RNF212B: variants seen among roughly 807,000 people sequenced by gnomAD.
The protein encoded by RNF212B is E3 ubiquitin-protein ligase RNF212B.
Under a neutral mutation model 55.5 loss-of-function variants are expected in RNF212B, and 52 were observed. The ratio of observed to expected loss-of-function variants is 0.94; its 90% CI spans 0.75 to 1.18. RNF212B has a LOEUF of 1.18. Among genes scored for constraint, RNF212B ranks in the 50% most tolerant of loss-of-function variants. RNF212B has a pLI of 0.00. For missense variants in RNF212B, 289 were observed against 350.4 expected (o/e 0.82, Z 1.40); for synonymous variants, 99 against 121.4 (o/e 0.82, Z 1.21).
intron 2 of RNF212B, among the ~76,000 whole-genome samples, chr14:23,232,784 T>TGG (rs575105903): frequency 0.13 from 12,457 of 94,632 alleles, 886 homozygotes; most frequent in South Asian, 0.21. Flanking sequence ...GGGAGGGAGG[T>TGG]GGGGGGGGGG....
chr14:23,196,498 G>A (rs1485654657), intron 2 of RNF212B, among the ~76,000 whole-genome samples: 2 of 152,138 alleles, frequency 1.3e-5, no homozygotes, highest in African/African-American at 2.4e-5. Context: ...GGAGGGCAGT[G>A]GAGTGATCAT....
chr14:23,243,119 A>G (rs1365130374), intron 2 of RNF212B, 137 bp from the exon 3 acceptor site: 33 of 611,306 alleles, frequency 5.4e-5, no homozygotes, highest in Admixed American at 1.1e-4. Flanking sequence ...TTTATAACAC[A>G]ATGATATTCT....
chr14:23,267,397 C>A (rs527371353), intron 11 of RNF212B, among the ~76,000 whole-genome samples: 1 of 151,958 alleles, frequency 6.6e-6, no homozygotes, highest in African/African-American at 2.4e-5. Context: ...ATAAATGGAC[C>A]CCTTTATCAT....
chr14:23,269,412 A>C lies in RNF212B; in HGVS notation c.674+449A>C, dbSNP rs543547106. ...CCTTATAAGCAAAAAAGAAAGCTGG[A>C]TAGCACTGTGTTTAATATACATCCA... On this transcript the variant is annotated intron_variant, in intron 12 of 14. Coordinates refer to ENST00000430154, the MANE Select transcript of RNF212B (RefSeq NM_001282322.3). 3.9e-5 allele frequency among the ~76,000 whole-genome samples: 6 copies of C among 152,310 alleles called. No homozygotes were observed. The East Asian group carries it at 1.2e-3, about 29-fold the overall frequency.
intron 1 of RNF212B, among the ~76,000 whole-genome samples, chr14:23,191,938 T>C (rs1282719510): frequency 1.3e-5 from 2 of 152,246 alleles, no homozygotes; most frequent in Admixed American, 6.5e-5. Context: ...CTGTAAATTA[T>C]TGGAAATCTA....
At chr14:23,249,377 C>T (rs1253978364) in intron 4 of RNF212B, among the ~76,000 whole-genome samples, 3 of 152,076 alleles carry the variant, frequency 2.0e-5, no homozygotes, top group African/African-American at 7.2e-5. Flanking sequence ...GAAACCCCTT[C>T]ACTACAAAAA....
At chr14:23,252,910 C>T (rs1351968327) in intron 4 of RNF212B, among the ~76,000 whole-genome samples, 1 of 151,966 alleles carries the variant, frequency 6.6e-6, no homozygotes, top group Non-Finnish European at 1.5e-5. Flanking sequence ...AGGAAGTGGG[C>T]CAAGTGCAGC....
intron 7 of RNF212B, 101 bp downstream of exon 7, chr14:23,260,788 G>T: frequency 9.1e-7 from 1 of 1,096,808 alleles, no homozygotes; most frequent in Non-Finnish European, 1.3e-6. Flanking sequence ...AATGGTTAAT[G>T]AATTTAGCTT....
intron 1 of RNF212B, among the ~76,000 whole-genome samples, chr14:23,187,111 A>G (rs1425756967): frequency 2.6e-5 from 4 of 152,134 alleles, no homozygotes; most frequent in Admixed American, 6.5e-5. Context: ...TCTGTTTCCA[A>G]TATCGGAGCC....
At chr14:23,253,840 T>C (rs1471523904) in intron 4 of RNF212B, among the ~76,000 whole-genome samples, 2 of 152,230 alleles carry the variant, frequency 1.3e-5, no homozygotes, top group Admixed American at 6.5e-5. Context: ...GGCAAACTAA[T>C]AGGTTTTGAA....
chr14:23,193,091 TAAAAAAA>T (rs3045528), intron 1 of RNF212B, among the ~76,000 whole-genome samples: 5 of 113,110 alleles, frequency 4.4e-5, no homozygotes, highest in East Asian at 2.8e-4. Flanking sequence ...AAACTCTGTC[TAAAAAAA>T]AAAAAAAAAA....
At chr14:23,208,757 GTTTTTTTT>G in intron 2 of RNF212B, among the ~76,000 whole-genome samples, 1 of 98,116 alleles carries the variant, frequency 1.0e-5, no homozygotes, top group East Asian at 3.2e-4. Flanking sequence ...GCTGGTTGCC[GTTTTTTTT>G]TTTTTTTTTT....
At chr14:23,245,895 A>G (rs1051337160) in intron 4 of RNF212B, among the ~76,000 whole-genome samples, 39 of 152,320 alleles carry the variant, frequency 2.6e-4, no homozygotes, top group African/African-American at 9.1e-4. Flanking sequence ...GTCCTTAATA[A>G]GTAGTGGACG....
intron 1 of RNF212B, among the ~76,000 whole-genome samples, chr14:23,193,108 A>G (rs1439662554): frequency 6.6e-6 from 1 of 151,256 alleles, no homozygotes. Context: ...AAAAAAAAAA[A>G]AAAAAAAAAA....
chr14:23,272,817 C>T lies in RNF212B; in HGVS notation c.835-6C>T. On this transcript the variant is annotated splice_polypyrimidine_tract_variant and splice_region_variant and intron_variant, in intron 14 of 14. Transcript: ENST00000430154. ...CCCACATCTACCTTCTTGTCCTCTGCTGCAGACTCTCTACCAACAACGGAG... is the reference window on the plus strand; with the variant it reads ...CCCACATCTACCTTCTTGTCCTCTGTTGCAGACTCTCTACCAACAACGGAG... The T allele has an allele frequency of 6.5e-7, 1 of 1,545,654 alleles. No homozygotes were observed. The highest frequency in any genetic ancestry group is 8.7e-7 in the Non-Finnish European group (1 of 1,142,994).
chr14:23,235,262 A>T (rs2140426732), upstream of RNF212B, among the ~76,000 whole-genome samples: 1 of 152,044 alleles, frequency 6.6e-6, no homozygotes, highest in East Asian at 1.9e-4. Context: ...AGGCAGAAGG[A>T]TCCCTTGAGC....
rs553222619 is a variant in RNF212B, at chr14:23,215,606, A to T, written c.-2+22205A>T. 3.9e-5 allele frequency among the ~76,000 whole-genome samples: 6 copies of T among 152,332 alleles called. No homozygotes were observed. In the South Asian group the frequency reaches 1.2e-3, roughly 32 times the overall value. On this transcript the variant is annotated intron_variant, in intron 2 of 15. Transcript: ENST00000399910. ...AAGTGCTGAAAGAAAGGAACTGTCC[A>T]TCCAGAATTCTATACCCAGCAAAAA...
At chr14:23,238,759 A>AATG (rs1361719860) in intron 1 of RNF212B, among the ~76,000 whole-genome samples, 1 of 144,800 alleles carries the variant, frequency 6.9e-6, no homozygotes, top group Admixed American at 7.0e-5. Context: ...TAATAATAAT[A>AATG]ATAATAATAA....
intron 2 of RNF212B, among the ~76,000 whole-genome samples, chr14:23,224,129 T>A (rs1028853627): frequency 6.6e-6 from 1 of 152,142 alleles, no homozygotes; most frequent in Non-Finnish European, 1.5e-5. Flanking sequence ...GTTCACGGAT[T>A]GGAAGAATCA....
Sources: gnomAD v4.1 joint callset for allele counts (sites outside exome capture counted in the v4.1 genomes callset) on GRCh38, gnomAD v4.1.1 for gene constraint, MANE v1.5 for transcripts, NCBI Gene and HGNC (gene_info 2026-07-23, HGNC 2026-07-21) for gene names.